Variants in OSBPL10 observed in about 807,000 individuals in gnomAD.
OSBPL10 encodes the protein oxysterol-binding protein-related protein 10.
A neutral mutation model predicts 81.7 loss-of-function variants in OSBPL10; 49 were observed. The observed-to-expected ratio is 0.60, with a 90% CI of 0.48 to 0.76. OSBPL10 has a LOEUF of 0.76. Ranked by LOEUF, OSBPL10 falls within the 30% of genes least tolerant of loss-of-function variation. The pLI, the probability that OSBPL10 is intolerant of heterozygous loss-of-function variation, is 0.00. For missense variants in OSBPL10, 923 were observed against 987.8 expected, an observed-to-expected ratio of 0.93 and a Z score of 0.88; for synonymous variants, 419 against 383.6, an observed-to-expected ratio of 1.09 and a Z score of -1.08.
Position 31,879,055 on chromosome 3 carries a change from T to A in OSBPL10, c.457+600A>T, listed in dbSNP as rs559579877. ...GAATACTGGACTCCCTGGAAAGTCATCCTCATTTCCGGGATGCTGGGCAGG... is the reference window on the plus strand; with the variant it reads ...GAATACTGGACTCCCTGGAAAGTCAACCTCATTTCCGGGATGCTGGGCAGG... On this transcript the variant is annotated intron_variant, in intron 2 of 11. Transcript: ENST00000396556. Among the ~76,000 whole-genome samples the A allele has an allele frequency of 3.9e-5, 6 of 152,292 alleles. No individual in the cohort carries two copies. In the East Asian group the frequency reaches 1.2e-3, roughly 29 times the overall value.
Position 31,688,281 on chromosome 3 carries a change from TCTCACACACA to T in OSBPL10, c.1246-4177_1246-4168del, listed in dbSNP as rs1489974919. ...CCCTGCACAAATCTCTCTCTCTCTC[TCTCACACACA>T]CACACACACACACACACACACACAC... is the stretch of plus-strand genomic sequence containing the variant. On this transcript the variant is annotated intron_variant, in intron 7 of 11. Coordinates refer to ENST00000396556, the MANE Select transcript of OSBPL10 (RefSeq NM_017784.5). Among the ~76,000 whole-genome samples the T allele has an allele frequency of 5.1e-3, 581 of 113,984 alleles. 2 individuals carry two copies. The highest frequency in any genetic ancestry group is 0.017 in the Middle Eastern group (4 of 230). 74.8% of individuals were successfully genotyped at this position (113,984 alleles called of 152,430 possible).
intron 3 of OSBPL10, among the ~76,000 whole-genome samples, chr3:31,831,930 C>T (rs1700252902): frequency 6.6e-6 from 1 of 152,192 alleles, no homozygotes; most frequent in African/African-American, 2.4e-5. Context: ...CCCTGTTAGT[C>T]ACCGCAGCAC....
In OSBPL10 at chr3:31,874,721, GA is replaced by G. The variant is rs1390431339; in HGVS notation, c.537+1711del. Among the ~76,000 whole-genome samples the G allele has an allele frequency of 2.0e-5, 3 of 152,162 alleles. No homozygotes were observed. The East Asian group carries it at 5.8e-4, about 29-fold the overall frequency. ...GAATGTTAGTAACGCCCGTTAATGA[GA>G]GGGGGAAACAAACTCTTACAGAACT... is the stretch of plus-strand genomic sequence containing the variant. On this transcript the variant is annotated intron_variant, in intron 3 of 11. Coordinates refer to ENST00000396556, the MANE Select transcript of OSBPL10 (RefSeq NM_017784.5).
rs549396871 is a variant in OSBPL10 at position 31,809,858 on chromosome 3, G to GC, written c.729+20181dup. On this transcript the variant is annotated intron_variant, in intron 4 of 11. Coordinates refer to ENST00000396556, the MANE Select transcript of OSBPL10 (RefSeq NM_017784.5). ...CCAGCCCAAGAAAATGTCAATGGGT[G>GC]CCCCCTGACTCTTTTTTTTTTTTTT... Among the ~76,000 whole-genome samples the GC allele has an allele frequency of 5.0e-3, 675 of 135,190 alleles. 3 individuals carry two copies. Among genetic ancestry groups the GC allele is most frequent in the Admixed American group, 8.8e-3 (124 of 14,048 alleles). 88.7% of individuals were successfully genotyped at this position (135,190 alleles called of 152,430 possible). A position where few individuals can be genotyped will look rare whatever the true frequency, so the allele number is the denominator to read the frequency against.
chr3:31,749,232 A>G (rs1355984214), intron 4 of OSBPL10, among the ~76,000 whole-genome samples: 1 of 152,258 alleles, frequency 6.6e-6, no homozygotes, highest in Non-Finnish European at 1.5e-5. Context: ...CCAGACTTGG[A>G]CACAAAGCTC....
At chr3:31,920,837 C>T (rs1696891806) in intron 1 of OSBPL10, among the ~76,000 whole-genome samples, 1 of 152,120 alleles carries the variant, frequency 6.6e-6, no homozygotes, top group South Asian at 2.1e-4. Context: ...CTCTTGTTCC[C>T]TCTCTCACCA....
rs1280924706 is a variant in OSBPL10, at chr3:31,875,636, G to A, written c.537+797C>T. Among the ~76,000 whole-genome samples the A allele has an allele frequency of 2.6e-5, 4 of 151,478 alleles. No individual in the cohort carries two copies. The East Asian group carries it at 5.8e-4, about 22-fold the overall frequency. On this transcript the variant is annotated intron_variant, in intron 3 of 11. Coordinates refer to ENST00000396556, the MANE Select transcript of OSBPL10 (RefSeq NM_017784.5). Reference sequence around the variant, plus strand: ...AGAACAGCCAGGTGTATCTAAGTAAGACATTTCACATGGCCCTGACCCAGA... The same window carrying A: ...AGAACAGCCAGGTGTATCTAAGTAAAACATTTCACATGGCCCTGACCCAGA...
chr3:31,850,733 T>C (rs1700744398), intron 3 of OSBPL10, among the ~76,000 whole-genome samples: 1 of 152,224 alleles, frequency 6.6e-6, no homozygotes. Context: ...TATTAATAGC[T>C]ACTGAACCTG....
chr3:31,798,356 G>A (rs978471167), intron 4 of OSBPL10, among the ~76,000 whole-genome samples: 1 of 150,830 alleles, frequency 6.6e-6, no homozygotes, highest in Non-Finnish European at 1.5e-5. Flanking sequence ...TTTGAACCTG[G>A]GAGGCAGAGG....
intron 4 of OSBPL10, among the ~76,000 whole-genome samples, chr3:31,825,189 T>C (rs1700070702): frequency 6.6e-6 from 1 of 152,138 alleles, no homozygotes; most frequent in Non-Finnish European, 1.5e-5. Flanking sequence ...AAAATGTTCC[T>C]ATTTAGGAAG....
At chr3:31,937,789 T>G (rs1697421000) in intron 1 of OSBPL10, among the ~76,000 whole-genome samples, 1 of 152,172 alleles carries the variant, frequency 6.6e-6, no homozygotes. Flanking sequence ...CAAAGCTGTT[T>G]CCAATATAAG....
intron 6 of OSBPL10, among the ~76,000 whole-genome samples, chr3:31,706,596 G>T (rs181165223): frequency 5.3e-5 from 8 of 152,234 alleles, no homozygotes; most frequent in African/African-American, 1.9e-4. Flanking sequence ...AAGCCAGGAG[G>T]CAAAACTGTG....
At chr3:31,935,662 T>G (rs529536114) in intron 1 of OSBPL10, among the ~76,000 whole-genome samples, 1 of 152,196 alleles carries the variant, frequency 6.6e-6, no homozygotes, top group Admixed American at 6.5e-5. Flanking sequence ...TAGCTGGGAT[T>G]ACAGGTGACC....
chr3:31,735,631 T>G (rs1330586649), intron 5 of OSBPL10, among the ~76,000 whole-genome samples: 1 of 152,156 alleles, frequency 6.6e-6, no homozygotes, highest in Non-Finnish European at 1.5e-5. Context: ...AGTCTTAGAG[T>G]GTTTGTGCAT....
chr3:31,800,701 G>A (rs1699356961), intron 4 of OSBPL10, among the ~76,000 whole-genome samples: 1 of 152,176 alleles, frequency 6.6e-6, no homozygotes, highest in South Asian at 2.1e-4. Flanking sequence ...AGTTAAAATA[G>A]CCAAACCATG....
At chr3:32,021,991 A>AG (rs1211652799) in intron 2 of OSBPL10, among the ~76,000 whole-genome samples, 3 of 151,054 alleles carry the variant, frequency 2.0e-5, no homozygotes, top group East Asian at 3.9e-4. Context: ...AAAAAAAAAA[A>AG]GTAAAACAAA....
chr3:31,720,746 A>C (rs1696614329), intron 6 of OSBPL10, among the ~76,000 whole-genome samples: 1 of 151,952 alleles, frequency 6.6e-6, no homozygotes, highest in Non-Finnish European at 1.5e-5. Context: ...TCAAAGTACA[A>C]AAAATTAGCC....
At chr3:31,793,268 A>C (rs922283793) in intron 4 of OSBPL10, among the ~76,000 whole-genome samples, 1 of 152,176 alleles carries the variant, frequency 6.6e-6, no homozygotes, top group African/African-American at 2.4e-5. Flanking sequence ...TTCTGCCTAA[A>C]ATAGCTGCAA....
At chr3:31,717,678 G>A (rs1399081436) in intron 6 of OSBPL10, among the ~76,000 whole-genome samples, 1 of 152,098 alleles carries the variant, frequency 6.6e-6, no homozygotes, top group Non-Finnish European at 1.5e-5. Context: ...CATTTTTCTA[G>A]CCACAGTGAC....
Sources: allele counts gnomAD v4.1 joint callset (sites outside exome capture counted in the v4.1 genomes callset), GRCh38; gene constraint gnomAD v4.1.1; transcripts MANE v1.5; gene names NCBI Gene and HGNC (gene_info 2026-07-23, HGNC 2026-07-21).